The following RAB27B variants were observed in gnomAD, a reference collection of about 807,000 sequenced individuals.
RAB27B encodes the protein ras-related protein Rab-27B.
A neutral mutation model predicts 24.6 loss-of-function variants in RAB27B; 15 were observed. The observed-to-expected ratio is 0.61, with a 90% confidence interval of 0.41 to 0.94. The LOEUF is 0.94. Among genes scored for constraint, RAB27B ranks in the 40% least tolerant of loss-of-function variants. RAB27B has a pLI of 0.00. For synonymous variants in RAB27B, 105 were observed against 92.5 expected, an observed-to-expected ratio of 1.14 and a Z score of -0.78; for missense variants, 261 against 266.8, an observed-to-expected ratio of 0.98 and a Z score of 0.15.
chr18:54,783,622 G>A (rs189967283), intron 2 of RAB27B, among the ~76,000 whole-genome samples: 1 of 152,156 alleles, frequency 6.6e-6, no homozygotes, highest in East Asian at 1.9e-4. Context: ...TAAGGTAAGC[G>A]AAAAGGCAAT....
At chr18:54,775,512 T>A (rs1908687742) in intron 2 of RAB27B, among the ~76,000 whole-genome samples, 1 of 152,200 alleles carries the variant, frequency 6.6e-6, no homozygotes, top group African/African-American at 2.4e-5. Context: ...TTCTGTCAAT[T>A]GTCATGTTTT....
At chr18:54,748,031 A>G (rs11662188) in intron 2 of RAB27B, among the ~76,000 whole-genome samples, 4,414 of 152,148 alleles carry the variant, frequency 0.029, 80 homozygotes, top group Middle Eastern at 0.092. Flanking sequence ...ACTTGAGCCC[A>G]GGGAAGTGAA....
intron 1 of RAB27B, among the ~76,000 whole-genome samples, chr18:54,864,698 A>G (rs1912142146): frequency 6.6e-6 from 1 of 152,154 alleles, no homozygotes; most frequent in Admixed American, 6.5e-5. Flanking sequence ...CACCCTTGTC[A>G]CAATTGACCA....
intron 3 of RAB27B, 109 bp downstream of exon 3, chr18:54,879,563 G>T: frequency 1.1e-6 from 1 of 900,634 alleles, no homozygotes. Context: ...CTCTTCTCCT[G>T]GTTTCAAAAT....
chr18:54,779,128 G>T (rs987541831), intron 2 of RAB27B, among the ~76,000 whole-genome samples: 1 of 152,100 alleles, frequency 6.6e-6, no homozygotes, highest in Non-Finnish European at 1.5e-5. Flanking sequence ...ATGAGCCACC[G>T]TACCTGGCGC....
intron 2 of RAB27B, among the ~76,000 whole-genome samples, chr18:54,800,072 C>T (rs1315732526): frequency 6.6e-6 from 1 of 152,188 alleles, no homozygotes; most frequent in Non-Finnish European, 1.5e-5. Context: ...AACTGTCCCT[C>T]AGCTCTTCCA....
At chr18:54,746,593 A>G (rs145428817) in intron 2 of RAB27B, among the ~76,000 whole-genome samples, 3 of 152,286 alleles carry the variant, frequency 2.0e-5, no homozygotes, top group African/African-American at 7.2e-5. Flanking sequence ...GGAGGCATTC[A>G]AGCTTACTAT....
chr18:54,809,515 G>A (rs1020559710), intron 2 of RAB27B, among the ~76,000 whole-genome samples: 2 of 152,180 alleles, frequency 1.3e-5, no homozygotes, highest in Non-Finnish European at 2.9e-5. Context: ...CACCTAAGTT[G>A]CAGCCAATCC....
chr18:54,850,327 AAACAG>A (rs1911510163), intron 1 of RAB27B, among the ~76,000 whole-genome samples: 1 of 57,272 alleles, frequency 1.7e-5, no homozygotes, highest in African/African-American at 8.1e-5. Context: ...AAAAGCAAAC[AAACAG>A]GATATATATA....
chr18:54,741,952 GA>G (rs1215540436), intron 2 of RAB27B, among the ~76,000 whole-genome samples: 5 of 152,322 alleles, frequency 3.3e-5, no homozygotes, highest in Non-Finnish European at 5.9e-5. Context: ...AAGCTCTGAG[GA>G]TTCTGACATT....
At chr18:54,861,764 G>A (rs991608168) in intron 1 of RAB27B, among the ~76,000 whole-genome samples, 3 of 152,140 alleles carry the variant, frequency 2.0e-5, no homozygotes, top group Non-Finnish European at 4.4e-5. Flanking sequence ...TATGGCCTGG[G>A]CACTGGGGAG....
intron 2 of RAB27B, among the ~76,000 whole-genome samples, chr18:54,784,269 CT>C (rs1430348734): frequency 6.6e-6 from 1 of 152,160 alleles, no homozygotes; most frequent in Non-Finnish European, 1.5e-5. Context: ...TGGCCTTCAC[CT>C]TTTTGCATTC....
intron 2 of RAB27B, among the ~76,000 whole-genome samples, chr18:54,878,269 A>T (rs1176022467): frequency 1.3e-5 from 2 of 152,160 alleles, no homozygotes; most frequent in African/African-American, 4.8e-5. Context: ...AAGATAAGAG[A>T]GTTTAAGTGA....
intron 2 of RAB27B, among the ~76,000 whole-genome samples, chr18:54,738,191 A>T (rs1034254983): frequency 1.3e-5 from 2 of 152,202 alleles, no homozygotes; most frequent in African/African-American, 2.4e-5. Context: ...TTTATTTTAT[A>T]GCTGACTGCC....
intron 1 of RAB27B, among the ~76,000 whole-genome samples, chr18:54,837,160 A>T (rs1030616546): frequency 2.4e-4 from 37 of 152,128 alleles, no homozygotes; most frequent in African/African-American, 8.9e-4. Context: ...ATAAGTTTTC[A>T]GTTAGTGGTT....
intron 1 of RAB27B, among the ~76,000 whole-genome samples, chr18:54,857,438 G>T (rs1329881073): frequency 1.3e-5 from 2 of 152,096 alleles, no homozygotes; most frequent in Admixed American, 6.6e-5. Context: ...CAATAAAAAA[G>T]AGCATCTCAC....
intron 2 of RAB27B, among the ~76,000 whole-genome samples, chr18:54,807,610 A>C (rs1909832467): frequency 6.6e-6 from 1 of 152,218 alleles, no homozygotes; most frequent in Non-Finnish European, 1.5e-5. Context: ...CAACTCATTA[A>C]TAGTGAATAT....
At chr18:54,837,211 A>C (rs962141909) in intron 1 of RAB27B, among the ~76,000 whole-genome samples, 3 of 152,158 alleles carry the variant, frequency 2.0e-5, no homozygotes, top group African/African-American at 7.2e-5. Flanking sequence ...GATAAATTTA[A>C]GGAGGTTAAA....
chr18:54,766,845 G>A (rs551606041), intron 2 of RAB27B, among the ~76,000 whole-genome samples: 2 of 152,252 alleles, frequency 1.3e-5, no homozygotes, highest in South Asian at 4.1e-4. Context: ...GGCTGCCTAG[G>A]GAATTTTTAA....
Sources: allele counts gnomAD v4.1 joint callset (sites outside exome capture counted in the v4.1 genomes callset), GRCh38; gene constraint gnomAD v4.1.1; transcripts MANE v1.5; gene names NCBI Gene and HGNC (gene_info 2026-07-23, HGNC 2026-07-21).